The following DPYD variants were observed in gnomAD, a reference collection of about 807,000 sequenced individuals.
DPYD encodes the protein dihydropyrimidine dehydrogenase.
In DPYD, 109 loss-of-function variants were observed where a neutral mutation model predicts 116.2. The observed-to-expected ratio is 0.94, with a 90% CI of 0.80 to 1.10. The LOEUF (loss-of-function observed/expected upper bound fraction) is 1.10, where lower values mean the gene tolerates loss of function less well. DPYD is among the 50% of genes least tolerant of loss of function. The probability of loss-of-function intolerance (pLI) is 0.00; values close to 1 mark genes in which losing one functional copy is unlikely to be tolerated. For missense variants in DPYD, 1,302 were observed against 1,254.5 expected, an observed-to-expected ratio of 1.04 and a Z score of -0.57; for synonymous variants, 440 against 432.0, an observed-to-expected ratio of 1.02 and a Z score of -0.23.
At position 97,465,958 on chromosome 1, in the gene DPYD, G is replaced by A. The variant is rs192565469; in HGVS notation, c.1741-15735C>T. Among the ~76,000 whole-genome samples the A allele has an allele frequency of 3.7e-3, 556 of 152,186 alleles. 6 individuals carry two copies. Among genetic ancestry groups the A allele is most frequent in the Non-Finnish European group, 4.5e-3 (306 of 68,018 alleles). ...AACCTTGTCTCTACAAAAATTAGCTGAGCATGGTGATACATGCCTGCAGTC... is the reference window on the plus strand; with the variant it reads ...AACCTTGTCTCTACAAAAATTAGCTAAGCATGGTGATACATGCCTGCAGTC... On this transcript the variant is annotated intron_variant, in intron 13 of 22. Coordinates refer to ENST00000370192, the MANE Select transcript of DPYD (RefSeq NM_000110.4).
intron 6 of DPYD, among the ~76,000 whole-genome samples, chr1:97,693,317 ACC>A (rs369931725): frequency 1.7e-4 from 21 of 121,380 alleles, no homozygotes; most frequent in Admixed American, 2.3e-4. Flanking sequence ...AAAAAAAAAA[ACC>A]AAAAAAGAAA....
At chr1:97,402,508 T>C (rs1429723724) in intron 14 of DPYD, among the ~76,000 whole-genome samples, 1 of 152,130 alleles carries the variant, frequency 6.6e-6, no homozygotes, top group Non-Finnish European at 1.5e-5. Context: ...AGTTACAGGA[T>C]ATTTTTTGGT....
chr1:97,357,303 T>C (rs147046997), intron 16 of DPYD, among the ~76,000 whole-genome samples: 10 of 152,258 alleles, frequency 6.6e-5, no homozygotes, highest in African/African-American at 2.2e-4. Context: ...AGAAACATCA[T>C]TGATTTTTGT....
intron 3 of DPYD, among the ~76,000 whole-genome samples, chr1:97,764,849 C>G (rs1665764131): frequency 6.6e-6 from 1 of 152,038 alleles, no homozygotes; most frequent in African/African-American, 2.4e-5. Flanking sequence ...TATCTCTCAT[C>G]CTGTGAACAG....
At chr1:97,412,612 A>G (rs190942706) in intron 14 of DPYD, among the ~76,000 whole-genome samples, 1 of 152,346 alleles carries the variant, frequency 6.6e-6, no homozygotes, top group Admixed American at 6.5e-5. Flanking sequence ...CTTAGAAATT[A>G]TTATATGAAA....
intron 10 of DPYD, among the ~76,000 whole-genome samples, chr1:97,591,010 G>T (rs1409822487): frequency 6.6e-6 from 1 of 152,192 alleles, no homozygotes; most frequent in African/African-American, 2.4e-5. Context: ...GCCACATTCT[G>T]TCCTCTCTTA....
intron 14 of DPYD, among the ~76,000 whole-genome samples, chr1:97,399,781 T>C (rs1570670005): frequency 6.6e-6 from 1 of 152,284 alleles, no homozygotes; most frequent in East Asian, 1.9e-4. Flanking sequence ...ATGCTTGTGA[T>C]TTTTGTACAT....
At chr1:97,583,989 A>G (rs954520938) in intron 10 of DPYD, among the ~76,000 whole-genome samples, 4 of 152,144 alleles carry the variant, frequency 2.6e-5, no homozygotes, top group African/African-American at 9.7e-5. Flanking sequence ...GAATAGCCAC[A>G]CTGACTTTCC....
chr1:97,212,116 CA>C (rs199875021), intron 19 of DPYD, among the ~76,000 whole-genome samples: 4,831 of 140,450 alleles, frequency 0.034, 253 homozygotes, highest in African/African-American at 0.12. Flanking sequence ...GTGTGCAAGG[CA>C]ATGATATTTT....
intron 18 of DPYD, among the ~76,000 whole-genome samples, chr1:97,269,691 G>C (rs1664451441): frequency 6.6e-6 from 1 of 152,056 alleles, no homozygotes. Flanking sequence ...TCACTCACAT[G>C]GTAGAGAGAG....
At chr1:97,716,449 T>TC (rs1662621575) in intron 5 of DPYD, among the ~76,000 whole-genome samples, 1 of 151,926 alleles carries the variant, frequency 6.6e-6, no homozygotes, top group Admixed American at 6.6e-5. Context: ...AAAATAGAGC[T>TC]CCAAACCCTG....
chr1:97,712,271 T>C (rs944203631), intron 5 of DPYD, among the ~76,000 whole-genome samples: 3 of 152,082 alleles, frequency 2.0e-5, no homozygotes, highest in Admixed American at 6.6e-5. Flanking sequence ...TATTGTGCTC[T>C]GGTTGAATAC....
chr1:97,582,563 C>T (rs983435393), intron 10 of DPYD, among the ~76,000 whole-genome samples: 1 of 152,036 alleles, frequency 6.6e-6, no homozygotes, highest in African/African-American at 2.4e-5. Context: ...TGGTGAAATG[C>T]AGAACAATTT....
At chr1:97,245,552 T>TTACA (rs1662665537) in intron 18 of DPYD, among the ~76,000 whole-genome samples, 1 of 152,102 alleles carries the variant, frequency 6.6e-6, no homozygotes, top group Non-Finnish European at 1.5e-5. Context: ...AGAGCAAATG[T>TTACA]TACACAGCAT....
At chr1:97,566,068 G>T (rs1466564484) in intron 11 of DPYD, among the ~76,000 whole-genome samples, 1 of 151,836 alleles carries the variant, frequency 6.6e-6, no homozygotes, top group East Asian at 1.9e-4. Flanking sequence ...TTCCACCCCC[G>T]TTCCACCTGG....
At chr1:97,625,739 T>C (rs892442885) in intron 8 of DPYD, among the ~76,000 whole-genome samples, 2 of 151,934 alleles carry the variant, frequency 1.3e-5, no homozygotes, top group Admixed American at 6.6e-5. Context: ...CCAACTCTGC[T>C]GCCACCGTGA....
intron 18 of DPYD, among the ~76,000 whole-genome samples, chr1:97,244,852 A>G (rs1662605836): frequency 6.6e-6 from 1 of 152,062 alleles, no homozygotes; most frequent in Non-Finnish European, 1.5e-5. Flanking sequence ...GCTAGTATTT[A>G]TCATTTAAAA....
intron 3 of DPYD, among the ~76,000 whole-genome samples, chr1:97,814,826 T>G (rs1201636278): frequency 4.7e-5 from 7 of 148,128 alleles, no homozygotes; most frequent in African/African-American, 1.7e-4. Context: ...ATTGCTTGAA[T>G]CTGGGATGGG....
chr1:97,271,257 T>C (rs760021472), intron 18 of DPYD, among the ~76,000 whole-genome samples: 15 of 152,150 alleles, frequency 9.9e-5, no homozygotes, highest in Non-Finnish European at 2.1e-4. Context: ...AGGAATGAGC[T>C]TGTGGACATC....
Sources: gnomAD v4.1 joint callset for allele counts (sites outside exome capture counted in the v4.1 genomes callset) on GRCh38, gnomAD v4.1.1 for gene constraint, MANE v1.5 for transcripts, NCBI Gene and HGNC (gene_info 2026-07-23, HGNC 2026-07-21) for gene names.